The following ABCA5 variants were observed in gnomAD, a reference collection of about 807,000 sequenced individuals.
ABCA5 encodes the protein cholesterol transporter ABCA5.
ABCA5 carries 163 observed loss-of-function variants against 206.0 expected under a neutral mutation model. That is an observed-to-expected ratio of 0.79 (90% CI 0.70 to 0.90). The LOEUF (loss-of-function observed/expected upper bound fraction) is 0.90. Ranked by LOEUF, ABCA5 falls within the 40% of genes least tolerant of loss-of-function variation. The probability of loss-of-function intolerance (pLI) is 0.00; values close to 1 mark genes in which losing one functional copy is unlikely to be tolerated. For synonymous variants in ABCA5, 609 were observed against 613.8 expected (o/e 0.99, Z 0.11); for missense variants, 1,859 against 1,912.9 (o/e 0.97, Z 0.53).
Position 69,264,897 on chromosome 17 carries a change from A to G in ABCA5, c.3153T>C (p.Ala1051=). 1 of 1,503,754 alleles carries G rather than the reference A, an allele frequency of 6.7e-7. No homozygotes were observed. The highest frequency in any genetic ancestry group is 1.5e-5 in the South Asian group (1 of 68,792). The allele number at this position is 1,503,754 out of a possible 1,614,324, so 93.2% of individuals were successfully genotyped here. A position where few individuals can be genotyped will look rare whatever the true frequency, so the allele number is the denominator to read the frequency against. ...GACCTGAAAGTTTAAGTTGAGTATA[A>G]GCTTTGATCTAAAAAAAATGAAAAA... The part of the protein sequence containing the change: ...MENAENHKIK[A]YTQLKLSGLL... The change falls in exon 24 of 39, where the codon GCT becomes GCC. Residue 1051 remains alanine, a synonymous_variant. Coordinates refer to ENST00000392676, the MANE Select transcript of ABCA5 (RefSeq NM_172232.4).
At chr17:69,270,829 C>A in intron 21 of ABCA5, 79 bp from the exon 22 acceptor site, 1 of 1,285,942 alleles carries the variant, frequency 7.8e-7, no homozygotes. Flanking sequence ...CTTTTCTCAC[C>A]AACAAAGCTA....
At chr17:69,287,836 C>T (rs1192765637) in intron 14 of ABCA5, 85 bp from the exon 15 acceptor site, 2 of 1,228,706 alleles carry the variant, frequency 1.6e-6, no homozygotes, top group Admixed American at 5.7e-5. Context: ...AAAACTGCCC[C>T]ATTTCAAATT....
Position 69,279,771 on chromosome 17 carries a change from G to A in ABCA5, c.2393-1929C>T, listed in dbSNP as rs1037636424. Among the ~76,000 whole-genome samples the A allele has an allele frequency of 9.4e-4, 143 of 152,104 alleles. No homozygotes were observed. In the East Asian group the frequency reaches 9.8e-3, roughly 10 times the overall value. On this transcript the variant is annotated intron_variant, in intron 18 of 38. Coordinates refer to ENST00000392676, the MANE Select transcript of ABCA5 (RefSeq NM_172232.4). ...GATCTTTGACAAACCTGAGAAAAACGAGCAATGGGGAAAGGATTCCCTATT... is the reference window on the plus strand; with the variant it reads ...GATCTTTGACAAACCTGAGAAAAACAAGCAATGGGGAAAGGATTCCCTATT...
At position 69,297,190 on chromosome 17, in the gene ABCA5, C is replaced by T. The variant is rs775039049; in HGVS notation, c.1436+1G>A. The T allele has an allele frequency of 1.9e-6, 3 of 1,610,716 alleles. No homozygotes were observed. The South Asian group carries it at 3.3e-5, about 18-fold the overall frequency. On this transcript the variant is annotated splice_donor_variant, in intron 10 of 38. Coordinates refer to ENST00000392676, the MANE Select transcript of ABCA5 (RefSeq NM_172232.4). LOFTEE classifies it high-confidence loss of function. ...CTAAATTGCCAAAGATTGAACCATACCTTATGGCTTCTTTTCCTACAAATT... is the reference window on the plus strand; with the variant it reads ...CTAAATTGCCAAAGATTGAACCATATCTTATGGCTTCTTTTCCTACAAATT...
rs1359616242 is a variant in ABCA5, at chr17:69,283,988, A to C, written c.2357T>G (p.Leu786Ter). 1.2e-6 allele frequency: 2 copies of C among 1,607,860 alleles called. No individual in the cohort carries two copies. Among genetic ancestry groups the C allele is most frequent in the Non-Finnish European group, 1.7e-6 (2 of 1,177,378 alleles). The change falls in exon 18 of 39, where the codon TTA (leucine) becomes TGA (stop). Residue 786 changes from leucine to a stop codon, truncating the protein, a stop_gained. Transcript: ENST00000392676. LOFTEE classifies it high-confidence loss of function. ...AATTTCTGCTTCAACTTCTAGCTTT[A>C]AAAATACGTCTTCCAAAGTCGTCAT... ...VSMTTLEDVF[L>*]KLEVEAEIDQ...
Position 69,302,798 on chromosome 17 carries a change from G to A in ABCA5, c.1039C>T (p.Leu347Phe). The A allele has an allele frequency of 1.3e-6, 2 of 1,599,818 alleles. No homozygotes were observed. The highest frequency in any genetic ancestry group is 1.7e-6 in the Non-Finnish European group (2 of 1,176,068). The change falls in exon 8 of 39, where the codon CTC becomes TTC. Residue 347 changes from leucine to phenylalanine, a missense_variant. Transcript: ENST00000392676. Reference sequence around the variant, plus strand: ...AACGATTTGGGAAAACTTTCTATGAGGATTATCATAAGGCCAATAAATCCA... The same window carrying A: ...AACGATTTGGGAAAACTTTCTATGAAGATTATCATAAGGCCAATAAATCCA... ...AFGFIGLMII[L>F]IESFPKSLVW...
chr17:69,287,198 A>G (rs904763764), intron 15 of ABCA5, among the ~76,000 whole-genome samples: 3 of 152,218 alleles, frequency 2.0e-5, no homozygotes, highest in African/African-American at 7.2e-5. Context: ...TCCCAAGTAG[A>G]TATTTCACAC....
At chr17:69,316,360 G>T (rs528766540) in intron 1 of ABCA5, among the ~76,000 whole-genome samples, 1 of 152,124 alleles carries the variant, frequency 6.6e-6, no homozygotes, top group Admixed American at 6.5e-5. Context: ...AGGTGTGGTG[G>T]TGGGCGCCTG....
At chr17:69,251,962 A>C in intron 34 of ABCA5, 96 bp from the exon 35 acceptor site, 1 of 1,350,444 alleles carries the variant, frequency 7.4e-7, no homozygotes, top group Non-Finnish European at 1.0e-6. Flanking sequence ...AATTAAGTTA[A>C]TTAAAACTTA....
chr17:69,260,696 T>C (rs1417420894), intron 26 of ABCA5, among the ~76,000 whole-genome samples: 1 of 151,930 alleles, frequency 6.6e-6, no homozygotes, highest in Non-Finnish European at 1.5e-5. Flanking sequence ...CATAACAATA[T>C]TTTTTCTAAT....
intron 19 of ABCA5, 71 bp from the exon 20 acceptor site, chr17:69,274,199 T>G: frequency 7.3e-7 from 1 of 1,370,446 alleles, no homozygotes; most frequent in East Asian, 2.4e-5. Flanking sequence ...ATTAAAACTC[T>G]CCCTTCACAT....
At chr17:69,262,970 C>T (rs2075165654) in intron 24 of ABCA5, among the ~76,000 whole-genome samples, 1 of 152,136 alleles carries the variant, frequency 6.6e-6, no homozygotes, top group South Asian at 2.1e-4. Context: ...TTTTGATTTA[C>T]ATTTCTCTGA....
intron 1 of ABCA5, among the ~76,000 whole-genome samples, chr17:69,319,192 T>C (rs949935043): frequency 6.6e-6 from 1 of 152,196 alleles, no homozygotes; most frequent in African/African-American, 2.4e-5. Context: ...ATTCAAGCAT[T>C]ATTTGCTACA....
At chr17:69,317,949 T>TAAC (rs996741980) in intron 1 of ABCA5, 1 of 152,020 alleles carries the variant, frequency 6.6e-6, no homozygotes, top group Non-Finnish European at 1.5e-5. Context: ...GCAGGGGAAA[T>TAAC]AACAACAACA....
rs1485242572 is a variant in ABCA5, at chr17:69,309,420, A to G, written c.311T>C (p.Ile104Thr). ...TTCATTTGTATATTCTTCAGTAATT[A>G]TGACTGTAAGATATCATAACAATAT... The part of the protein sequence containing the change: ...KVSTDHLPDV[I>T]ITEEYTNEKE... The change falls in exon 4 of 39, where the codon ATA becomes ACA. Residue 104 changes from isoleucine (I) to threonine (T), a missense_variant. Ile to Thr is a moderately conservative substitution (Grantham distance 89, BLOSUM62 -1). Coordinates refer to ENST00000392676, the MANE Select transcript of ABCA5 (RefSeq NM_172232.4). 2 of 1,557,454 alleles carry G rather than the reference A, an allele frequency of 1.3e-6. No homozygotes were observed. Among genetic ancestry groups the G allele is most frequent in the Non-Finnish European group, 1.7e-6 (2 of 1,153,072 alleles).
chr17:69,281,515 A>G (rs1328718996), intron 18 of ABCA5, among the ~76,000 whole-genome samples: 1 of 152,176 alleles, frequency 6.6e-6, no homozygotes. Context: ...ATTTCAAAAG[A>G]AGGAGAAACT....
intron 19 of ABCA5, among the ~76,000 whole-genome samples, chr17:69,275,054 G>C (rs1264472991): frequency 6.6e-6 from 1 of 152,074 alleles, no homozygotes; most frequent in Non-Finnish European, 1.5e-5. Context: ...ATGTTGGCCA[G>C]ACTGGTCTCA....
At chr17:69,314,061 A>G (rs931768958) in intron 2 of ABCA5, among the ~76,000 whole-genome samples, 4 of 152,222 alleles carry the variant, frequency 2.6e-5, no homozygotes, top group African/African-American at 9.6e-5. Context: ...CACATGCCTA[A>G]AAGCTGAAAA....
In ABCA5 at chr17:69,309,355, A is replaced by G. The variant is rs759065431; in HGVS notation, c.376T>C (p.Phe126Leu). Residue 126 changes from phenylalanine (F) to leucine (L), a missense_variant, in exon 4 of 39, where the codon TTT becomes CTT. By Grantham distance (22) the Phe-to-Leu change is conservative. Coordinates refer to ENST00000392676, the MANE Select transcript of ABCA5 (RefSeq NM_172232.4). ...GAGTCTTTGAAAACCACACCTACAAAGTTGCTCGGCTTAGAGAGACTGGAT... is the reference window on the plus strand; with the variant it reads ...GAGTCTTTGAAAACCACACCTACAAGGTTGCTCGGCTTAGAGAGACTGGAT... ...LTSSLSKPSN[F>L]VGVVFKDSMS... 5 of 1,606,432 alleles carry G rather than the reference A, an allele frequency of 3.1e-6. No individual in the cohort carries two copies. The Admixed American group carries it at 5.2e-5, about 17-fold the overall frequency.
Sources: allele counts gnomAD v4.1 joint callset (sites outside exome capture counted in the v4.1 genomes callset), GRCh38; gene constraint gnomAD v4.1.1; transcripts MANE v1.5; gene names NCBI Gene and HGNC (gene_info 2026-07-23, HGNC 2026-07-21).